AGBL4: variants seen among roughly 807,000 people sequenced by gnomAD.
AGBL4 encodes the protein AGBL carboxypeptidase 4, also known as cytosolic carboxypeptidase 6.
AGBL4 carries 58 observed loss-of-function variants against 66.4 expected under a neutral mutation model. That is an observed-to-expected ratio of 0.87 (90% CI 0.71 to 1.09). AGBL4 has a LOEUF of 1.09. AGBL4 is among the 50% of genes least tolerant of loss of function. The pLI, the probability that AGBL4 is intolerant of heterozygous loss-of-function variation, is 0.00. For missense variants in AGBL4, 579 were observed against 631.0 expected (o/e 0.92, Z 0.88); for synonymous variants, 234 against 222.9 (o/e 1.05, Z -0.44).
chr1:49,569,055 A>G (rs1346144673), intron 3 of AGBL4, among the ~76,000 whole-genome samples: 1 of 152,240 alleles, frequency 6.6e-6, no homozygotes, highest in Non-Finnish European at 1.5e-5. Context: ...GCCATGAAAG[A>G]GAATGAAATC....
At chr1:49,626,627 T>C (rs1645468317) in intron 3 of AGBL4, among the ~76,000 whole-genome samples, 1 of 151,782 alleles carries the variant, frequency 6.6e-6, no homozygotes, top group African/African-American at 2.4e-5. Context: ...CATCCCTAAG[T>C]AGCCAGTTGG....
chr1:49,660,818 G>A (rs1321600697), intron 3 of AGBL4, among the ~76,000 whole-genome samples: 1 of 152,080 alleles, frequency 6.6e-6, no homozygotes, highest in Non-Finnish European at 1.5e-5. Context: ...GGATGGAGCT[G>A]GAAGCTATTA....
At chr1:49,886,671 T>C (rs1380663233) in intron 1 of AGBL4, among the ~76,000 whole-genome samples, 3 of 152,098 alleles carry the variant, frequency 2.0e-5, no homozygotes, top group African/African-American at 7.2e-5. Context: ...TCTGGGATGG[T>C]TCACCCTGTC....
intron 6 of AGBL4, among the ~76,000 whole-genome samples, chr1:48,763,767 C>T (rs898151093): frequency 1.3e-5 from 2 of 152,168 alleles, no homozygotes; most frequent in Non-Finnish European, 2.9e-5. Context: ...AACCTCAGAT[C>T]ATCCGATTCT....
chr1:49,739,804 G>A (rs1181190801), intron 2 of AGBL4, among the ~76,000 whole-genome samples: 1 of 152,148 alleles, frequency 6.6e-6, no homozygotes, highest in Non-Finnish European at 1.5e-5. Context: ...GCCAAACTAA[G>A]CTTCATAAGT....
At chr1:49,255,075 G>C (rs1203610695) in intron 3 of AGBL4, among the ~76,000 whole-genome samples, 1 of 152,016 alleles carries the variant, frequency 6.6e-6, no homozygotes. Context: ...AGACAACCTA[G>C]GTAATACCAT....
At chr1:48,945,124 T>A (rs558735201) in intron 5 of AGBL4, among the ~76,000 whole-genome samples, 1 of 152,284 alleles carries the variant, frequency 6.6e-6, no homozygotes, top group East Asian at 1.9e-4. Context: ...AGGTCCCAAC[T>A]GAAAAGCTCT....
At position 48,605,559 on chromosome 1, in the gene AGBL4, T is replaced by C. The variant is rs187009541; in HGVS notation, c.952-14574A>G. On this transcript the variant is annotated intron_variant, in intron 9 of 13. Transcript: ENST00000371839. ...CTCAACCCTTCTTTTTTATTGTACC[T>C]ATTTCACTGTTTCATTATTATTGCT... is the stretch of plus-strand genomic sequence containing the variant. 1.6e-3 allele frequency among the ~76,000 whole-genome samples: 240 copies of C among 152,318 alleles called. 2 individuals carry two copies. The highest frequency in any genetic ancestry group is 7.8e-4 in the Non-Finnish European group (53 of 68,022).
chr1:49,310,511 C>G (rs548952445), intron 3 of AGBL4, among the ~76,000 whole-genome samples: 18 of 152,096 alleles, frequency 1.2e-4, no homozygotes, highest in African/African-American at 4.3e-4. Flanking sequence ...ACTGTTAATA[C>G]CTTGCTCTAA....
At chr1:49,611,599 G>A (rs1355396277) in intron 3 of AGBL4, among the ~76,000 whole-genome samples, 7 of 151,946 alleles carry the variant, frequency 4.6e-5, no homozygotes, top group East Asian at 1.9e-4. Context: ...GGATGGTCTC[G>A]ATCTCCTGAC....
At chr1:49,790,395 A>T (rs572792168) in intron 2 of AGBL4, among the ~76,000 whole-genome samples, 2 of 151,258 alleles carry the variant, frequency 1.3e-5, no homozygotes, top group South Asian at 4.2e-4. Context: ...AGCTCAGTAA[A>T]CCCCAAGCAA....
intron 9 of AGBL4, among the ~76,000 whole-genome samples, chr1:48,599,373 G>C (rs1645042971): frequency 1.3e-5 from 2 of 152,170 alleles, no homozygotes; most frequent in Admixed American, 1.3e-4. Context: ...CAGCACAGCA[G>C]GTTGGTTTAC....
At chr1:49,845,733 G>A (rs748816182) in intron 2 of AGBL4, 81 of 1,591,762 alleles carry the variant, frequency 5.1e-5, no homozygotes, top group African/African-American at 2.7e-4. Context: ...GGATTTACAC[G>A]GGAGAGAAGC....
chr1:49,882,205 C>T lies in AGBL4; in HGVS notation c.35-30687G>A, dbSNP rs1233423762. Among the ~76,000 whole-genome samples the T allele has an allele frequency of 1.8e-4, 27 of 149,240 alleles. No homozygotes were observed. In the East Asian group the frequency reaches 4.1e-3, roughly 23 times the overall value. On this transcript the variant is annotated intron_variant, in intron 1 of 13. Transcript: ENST00000371839. ...CAAAGATCAGATAGTTGTAGATATG[C>T]GGCATTATTTCTGAGGGCTCTGTTC...
At chr1:49,058,991 T>A (rs770748182) in intron 4 of AGBL4, among the ~76,000 whole-genome samples, 3 of 152,224 alleles carry the variant, frequency 2.0e-5, no homozygotes, top group African/African-American at 7.2e-5. Context: ...ATTTGCAGCC[T>A]AATGATGCAA....
At chr1:49,484,765 AAC>A (rs1647029235) in intron 3 of AGBL4, among the ~76,000 whole-genome samples, 4 of 152,156 alleles carry the variant, frequency 2.6e-5, no homozygotes, top group Admixed American at 2.6e-4. Context: ...GATAGTTAGT[AAC>A]ACAAAGGATA....
At chr1:49,125,728 T>A (rs557507098) in intron 4 of AGBL4, among the ~76,000 whole-genome samples, 2 of 152,280 alleles carry the variant, frequency 1.3e-5, no homozygotes, top group East Asian at 3.9e-4. Context: ...ATTATCTCCA[T>A]TCTCAAATGA....
At chr1:49,748,663 G>A (rs1033129153) in intron 2 of AGBL4, among the ~76,000 whole-genome samples, 2 of 152,178 alleles carry the variant, frequency 1.3e-5, no homozygotes, top group African/African-American at 4.8e-5. Context: ...ATCCTCTCCA[G>A]CATCTGTTGT....
chr1:48,951,926 A>G, intron 5 of AGBL4, among the ~76,000 whole-genome samples: 1 of 152,216 alleles, frequency 6.6e-6, no homozygotes, highest in East Asian at 1.9e-4. Flanking sequence ...TATTTTCTCT[A>G]TTTTAAAGAT....
Sources: gnomAD v4.1 joint callset for allele counts (sites outside exome capture counted in the v4.1 genomes callset) on GRCh38, gnomAD v4.1.1 for gene constraint, MANE v1.5 for transcripts, NCBI Gene and HGNC (gene_info 2026-07-23, HGNC 2026-07-21) for gene names.